Variants in GNB1 observed in about 807,000 individuals in gnomAD.
The protein encoded by GNB1 is guanine nucleotide-binding protein G(I)/G(S)/G(T) subunit beta-1.
In GNB1, 2 loss-of-function variants were observed where a neutral mutation model predicts 42.9. The observed-to-expected ratio is 0.05, with a 90% confidence interval of 0.02 to 0.15. The LOEUF is 0.15. Among genes scored for constraint, GNB1 ranks in the 10% least tolerant of loss-of-function variants. The probability of loss-of-function intolerance (pLI) is 1.00; values close to 1 mark genes in which losing one functional copy is unlikely to be tolerated. For synonymous variants in GNB1, 183 were observed against 174.7 expected (o/e 1.05, Z -0.38); for missense variants, 193 against 462.2 (o/e 0.42, Z 5.34).
intron 1 of GNB1, among the ~76,000 whole-genome samples, chr1:1,855,359 A>T (rs1202127972): frequency 6.6e-6 from 1 of 151,234 alleles, no homozygotes; most frequent in African/African-American, 2.4e-5. Context: ...AGAAAAAAGA[A>T]CCCAAATTCC....
At chr1:1,845,741 C>CCCTG (rs1380882181) in intron 1 of GNB1, among the ~76,000 whole-genome samples, 1 of 151,570 alleles carries the variant, frequency 6.6e-6, no homozygotes, top group Non-Finnish European at 1.5e-5. Context: ...AGGAATGGCC[C>CCCTG]CCTGGGGTTC....
chr1:1,797,820 C>A (rs1646566732), intron 7 of GNB1, among the ~76,000 whole-genome samples: 1 of 152,200 alleles, frequency 6.6e-6, no homozygotes, highest in South Asian at 2.1e-4. Context: ...CTGTTGGGAG[C>A]AGGGGCAAGG....
chr1:1,812,412 A>ACG (rs1646794740), intron 5 of GNB1, among the ~76,000 whole-genome samples: 1 of 150,166 alleles, frequency 6.7e-6, no homozygotes, highest in African/African-American at 2.4e-5. Flanking sequence ...ATACATACAC[A>ACG]CACACACACA....
intron 1 of GNB1, among the ~76,000 whole-genome samples, chr1:1,852,109 T>C (rs1648017729): frequency 6.6e-6 from 1 of 151,732 alleles, no homozygotes; most frequent in African/African-American, 2.4e-5. Context: ...TGTGGTTGAA[T>C]ATATAAAAAG....
chr1:1,882,627 A>T (rs1649914800), intron 1 of GNB1, among the ~76,000 whole-genome samples: 1 of 152,108 alleles, frequency 6.6e-6, no homozygotes, highest in Non-Finnish European at 1.5e-5. Context: ...TCTCTAAAAA[A>T]ATGAACATAA....
chr1:1,817,985 G>A (rs566006393), intron 3 of GNB1, 110 bp from the exon 4 acceptor site: 18 of 826,034 alleles, frequency 2.2e-5, no homozygotes, highest in Middle Eastern at 2.2e-4. Context: ...AGGAGCAAAA[G>A]CAGAATGTGA....
Position 1,790,074 on chromosome 1 carries a change from G to C in GNB1, c.699+321C>G, listed in dbSNP as rs115927241. On this transcript the variant is annotated intron_variant, in intron 9 of 11. Coordinates refer to ENST00000378609, the MANE Select transcript of GNB1 (RefSeq NM_002074.5). This position sits in a 1 kb window ranked among gnomAD's most constrained non-coding sequence, Gnocchi z 5.4. Reference sequence around the variant, plus strand: ...AAGAGGAGGGCAGGTTCCCTGGTTAGCTGTGCCCCTGACCAGTAAGGCTCT... The same window carrying C: ...AAGAGGAGGGCAGGTTCCCTGGTTACCTGTGCCCCTGACCAGTAAGGCTCT... Among the ~76,000 whole-genome samples the C allele has an allele frequency of 8.2e-3, 1,248 of 152,280 alleles. 20 individuals are homozygous for C. Among genetic ancestry groups the C allele is most frequent in the African/African-American group, 0.029 (1,213 of 41,534 alleles).
intron 1 of GNB1, among the ~76,000 whole-genome samples, chr1:1,864,506 C>T (rs1286403235): frequency 1.3e-5 from 2 of 151,972 alleles, no homozygotes; most frequent in African/African-American, 2.4e-5. Context: ...TCCCTCCGGC[C>T]GACCCATCCT....
chr1:1,842,799 C>G (rs916157110), intron 1 of GNB1, among the ~76,000 whole-genome samples: 1 of 152,156 alleles, frequency 6.6e-6, no homozygotes, highest in African/African-American at 2.4e-5. Flanking sequence ...AATTTCACCT[C>G]AGAAAAAAAG....
At chr1:1,846,653 G>C (rs1647685595) in intron 1 of GNB1, among the ~76,000 whole-genome samples, 3 of 152,116 alleles carry the variant, frequency 2.0e-5, no homozygotes, top group Admixed American at 2.0e-4. Flanking sequence ...TGAACTCCTA[G>C]GCACAGCCAT....
rs1264522362 is a variant in GNB1, at chr1:1,829,991, C to T, written c.-46-4492G>A. On this transcript the variant is annotated intron_variant, in intron 2 of 11. Coordinates refer to ENST00000378609, the MANE Select transcript of GNB1 (RefSeq NM_002074.5). ...CTGACCTCAGGTGATCCGCCCACCT[C>T]GGCCTCCCAAAGTGCTGGGATTACA... 4.6e-5 allele frequency among the ~76,000 whole-genome samples: 7 copies of T among 152,088 alleles called. No individual in the cohort carries two copies. In the East Asian group the frequency reaches 7.7e-4, roughly 17 times the overall value.
intron 1 of GNB1, among the ~76,000 whole-genome samples, chr1:1,868,940 T>C (rs1557942074): frequency 6.6e-6 from 1 of 151,088 alleles, no homozygotes; most frequent in Non-Finnish European, 1.5e-5. Flanking sequence ...ATCCCAACAC[T>C]TTGGGAGGCT....
chr1:1,879,698 C>CT (rs1309825746), intron 1 of GNB1, among the ~76,000 whole-genome samples: 1 of 144,086 alleles, frequency 6.9e-6, no homozygotes, highest in Admixed American at 7.1e-5. Context: ...GAGTGAGACT[C>CT]TGTCTCAGGG....
At chr1:1,875,839 C>T (rs1423309170) in intron 1 of GNB1, among the ~76,000 whole-genome samples, 2 of 368 alleles carry the variant, frequency 5.4e-3, no homozygotes, top group African/African-American at 0.031. Context: ...CAACAGTGTC[C>T]CCCCCCCCAA....
chr1:1,881,797 G>A (rs1209188328), intron 1 of GNB1, among the ~76,000 whole-genome samples: 2 of 152,192 alleles, frequency 1.3e-5, no homozygotes, highest in Non-Finnish European at 2.9e-5. Context: ...GATGTGCTGT[G>A]CTCTTATGCG....
At chr1:1,860,363 C>T (rs1330581317) in intron 1 of GNB1, among the ~76,000 whole-genome samples, 1 of 152,038 alleles carries the variant, frequency 6.6e-6, no homozygotes, top group East Asian at 1.9e-4. Flanking sequence ...ATTACTCATA[C>T]CCAAACTTGA....
At chr1:1,832,055 CCTT>C (rs1647083109) in intron 2 of GNB1, among the ~76,000 whole-genome samples, 1 of 138,980 alleles carries the variant, frequency 7.2e-6, no homozygotes, top group South Asian at 2.2e-4. Flanking sequence ...TGGAGTGAGA[CCTT>C]GTCTCAAAAA....
intron 1 of GNB1, among the ~76,000 whole-genome samples, chr1:1,851,200 C>T (rs1221986448): frequency 1.3e-5 from 2 of 152,100 alleles, no homozygotes; most frequent in Non-Finnish European, 2.9e-5. Context: ...CACCTGAGGT[C>T]GGGAGTTTGA....
intron 1 of GNB1, among the ~76,000 whole-genome samples, chr1:1,842,119 C>A (rs1647263062): frequency 6.6e-6 from 1 of 151,738 alleles, no homozygotes; most frequent in African/African-American, 2.4e-5. Flanking sequence ...ACCAACCTGG[C>A]CACCTCGTCT....
Sources: allele counts gnomAD v4.1 joint callset (sites outside exome capture counted in the v4.1 genomes callset), GRCh38; gene constraint gnomAD v4.1.1; non-coding constraint Gnocchi (gnomAD v3.1); transcripts MANE v1.5; gene names NCBI Gene and HGNC (gene_info 2026-07-23, HGNC 2026-07-21).